SIRT3: variants seen among roughly 807,000 people sequenced by gnomAD.
SIRT3 encodes the protein NAD-dependent protein deacetylase sirtuin-3, mitochondrial.
A neutral mutation model predicts 33.5 loss-of-function variants in SIRT3; 26 were observed. The ratio of observed to expected loss-of-function variants is 0.78; its 90% CI spans 0.57 to 1.08. The LOEUF (loss-of-function observed/expected upper bound fraction) is 1.08, where lower values mean the gene tolerates loss of function less well. Ranked by LOEUF, SIRT3 falls within the 50% of genes least tolerant of loss-of-function variation. SIRT3 has a pLI of 0.00. For synonymous variants in SIRT3, 237 were observed against 222.1 expected (o/e 1.07, Z -0.60); for missense variants, 585 against 530.1 (o/e 1.10, Z -1.02).
Position 236,132 on chromosome 11 carries a change from G to C in SIRT3, c.197C>G (p.Pro66Arg), listed in dbSNP as rs1368171849. Reference protein sequence around the residue: ...ARGEPLDPARPLQRPPRPEVP... With the variant: ...ARGEPLDPARRLQRPPRPEVP... ...CTCGGGTCTGGGAGGCCTCTGCAAGGGGCGCGCCGGGTCCAAGGGCTCACC... is the reference window on the plus strand; with the variant it reads ...CTCGGGTCTGGGAGGCCTCTGCAAGCGGCGCGCCGGGTCCAAGGGCTCACC... The change falls in exon 1 of 7, where the codon CCC (proline) becomes CGC (arginine). Residue 66 changes from proline to arginine, a missense_variant. By Grantham distance (103) the Pro-to-Arg change is moderately radical. Coordinates refer to ENST00000382743, the MANE Select transcript of SIRT3 (RefSeq NM_012239.6). 5.1e-6 allele frequency: 8 copies of C among 1,575,968 alleles called. No homozygotes were observed. The African/African-American group carries it at 8.1e-5, about 16-fold the overall frequency.
rs761953280 is a variant in SIRT3, at chr11:233,512, T to C, written c.304A>G (p.Ile102Val). Residue 102 changes from isoleucine (I) to valine (V), a missense_variant, in exon 2 of 7, where the codon ATA becomes GTA. Transcript: ENST00000382743. ...CTTGAAGCACCCACAGAAAAAGATA[T>C]GGACCTTCTTCCACCTTTAATACTG... is the stretch of plus-strand genomic sequence containing the variant. Reference protein sequence around the residue: ...FSSIKGGRRSISFSVGASSVV... With the variant: ...FSSIKGGRRSVSFSVGASSVV... The C allele has an allele frequency of 3.1e-6, 5 of 1,614,088 alleles. No homozygotes were observed. The highest frequency in any genetic ancestry group is 4.5e-5 in the East Asian group (2 of 44,884).
At chr11:232,615 CTCTT>C (rs1266586651) in intron 3 of SIRT3, among the ~76,000 whole-genome samples, 6 of 152,084 alleles carry the variant, frequency 3.9e-5, no homozygotes, top group Admixed American at 6.6e-5. Context: ...TTACATTGCT[CTCTT>C]TGTGTGTGCT....
At chr11:236,898 G>T, upstream of SIRT3, 1 of 675,474 alleles carries the variant, frequency 1.5e-6, no homozygotes, top group Non-Finnish European at 2.6e-6. Flanking sequence ...CGCTGTAACC[G>T]AGCAACCAGC....
chr11:230,545 GC>G lies in SIRT3; in HGVS notation c.713del (p.Gly238AlafsTer35). 6.6e-7 allele frequency: 1 copy of G among 1,519,534 alleles called. No individual in the cohort carries two copies. The highest frequency in any genetic ancestry group is 1.3e-5 in the South Asian group (1 of 77,796). The allele number at this position is 1,519,534 out of a possible 1,614,324, so 94.1% of individuals were successfully genotyped here. A position where few individuals can be genotyped will look rare whatever the true frequency, so the allele number is the denominator to read the frequency against. ...QNIDGLERVS[G>X]IPASKLVEAH... ...CTTCAACCAGCTTTGAGGCAGGGAT[GC>G]CCGACACTGAAATTCAAGCCAAAGC... On this transcript the variant is annotated frameshift_variant, in exon 4 of 7. Transcript: ENST00000382743. LOFTEE classifies it high-confidence loss of function.
chr11:230,611 A>G (rs1857819722), intron 3 of SIRT3, 59 bp from the exon 4 acceptor site: 2 of 1,248,406 alleles, frequency 1.6e-6, no homozygotes, highest in South Asian at 1.7e-5. Context: ...ACGCAAGGCC[A>G]AGAGCACAAC....
intron 3 of SIRT3, among the ~76,000 whole-genome samples, chr11:231,870 GCCTGGCT>G (rs1858069957): frequency 6.6e-6 from 1 of 150,860 alleles, no homozygotes. Context: ...CTCTCCGGGA[GCCTGGCT>G]CCCGGAGAGC....
chr11:219,021 C>T lies in SIRT3; in HGVS notation c.990G>A (p.Leu330=). ...GAACTGAGCTCCGCACGGCCTCGGT[C>T]AAGCTGGCAAAAGGCTCCACCTGAA... is the stretch of plus-strand genomic sequence containing the variant. The part of the protein sequence containing the change: ...TSLEVEPFAS[L]TEAVRSSVPR... The change falls in exon 6 of 7, where the codon TTG becomes TTA. Residue 330 remains leucine (L), a synonymous_variant. Transcript: ENST00000382743. The T allele has an allele frequency of 1.2e-6, 2 of 1,613,380 alleles. No individual in the cohort carries two copies. The highest frequency in any genetic ancestry group is 1.7e-6 in the Non-Finnish European group (2 of 1,179,792).
At chr11:233,646 G>T in intron 1 of SIRT3, 112 bp from the exon 2 acceptor site, 1 of 957,220 alleles carries the variant, frequency 1.0e-6, no homozygotes, top group Non-Finnish European at 1.6e-6. Context: ...GAATGAGCAT[G>T]TGTGTCTCCC....
At chr11:233,598 G>C in intron 1 of SIRT3, 64 bp from the exon 2 acceptor site, 2 of 1,542,502 alleles carry the variant, frequency 1.3e-6, no homozygotes, top group Admixed American at 1.7e-5. Flanking sequence ...TAGCAAGAAC[G>C]AGCATGGCTC....
At chr11:226,807 G>A (rs1857236456) in intron 4 of SIRT3, among the ~76,000 whole-genome samples, 1 of 148,894 alleles carries the variant, frequency 6.7e-6, no homozygotes, top group South Asian at 2.1e-4. Context: ...AGGCTGGAGT[G>A]CAATGGCCTA....
chr11:223,673 T>A lies in SIRT3; in HGVS notation c.969+405A>T. ...GTGCCCCACCCACACCTATACCACCTCCAAAGCCCAGCAGCTTCCCACCTT... is the reference window on the plus strand; with the variant it reads ...GTGCCCCACCCACACCTATACCACCACCAAAGCCCAGCAGCTTCCCACCTT... On this transcript the variant is annotated intron_variant, in intron 5 of 6. Coordinates refer to ENST00000382743, the MANE Select transcript of SIRT3 (RefSeq NM_012239.6). This position sits in a 1 kb window ranked among gnomAD's most constrained non-coding sequence, Gnocchi z 4.8. The A allele has an allele frequency of 1.3e-5, 6 of 478,664 alleles. No homozygotes were observed. The highest frequency in any genetic ancestry group is 2.0e-5 in the Non-Finnish European group (5 of 254,416). 29.7% of individuals were successfully genotyped at this position (478,664 alleles called of 1,614,324 possible).
chr11:227,843 A>G (rs1198070795), intron 4 of SIRT3, among the ~76,000 whole-genome samples: 1 of 152,074 alleles, frequency 6.6e-6, no homozygotes, highest in African/African-American at 2.4e-5. Flanking sequence ...GCTGCTCTCA[A>G]GCTTCCCACC....
At chr11:234,253 T>C (rs1040905997) in intron 1 of SIRT3, among the ~76,000 whole-genome samples, 2 of 152,166 alleles carry the variant, frequency 1.3e-5, no homozygotes, top group Non-Finnish European at 2.9e-5. Flanking sequence ...CAGGCATGGG[T>C]GCAACCTGGG....
At chr11:219,254 C>G (rs1162840353) in intron 5 of SIRT3, among the ~76,000 whole-genome samples, 2 of 152,204 alleles carry the variant, frequency 1.3e-5, no homozygotes, top group Non-Finnish European at 2.9e-5. Context: ...CTCTCTCTCT[C>G]TCCCACTTCT....
chr11:236,785 T>C, upstream of SIRT3: 2 of 535,714 alleles, frequency 3.7e-6, no homozygotes, highest in Non-Finnish European at 6.7e-6. Flanking sequence ...CCGTAGCGGG[T>C]TCGACCACAG....
chr11:230,275 T>G (rs1311289686), intron 4 of SIRT3, among the ~76,000 whole-genome samples, 177 bp downstream of exon 4: 2 of 151,960 alleles, frequency 1.3e-5, no homozygotes, highest in Non-Finnish European at 1.5e-5. Context: ...TCCCTACATA[T>G]TTCTATATTG....
At chr11:236,900 G>C (rs1859239805), upstream of SIRT3, 1 of 678,504 alleles carries the variant, frequency 1.5e-6, no homozygotes. Flanking sequence ...CTGTAACCGA[G>C]CAACCAGCGG....
rs1855601356 is a variant in SIRT3, at chr11:215,956, G to C, written c.*742C>G. The C allele has an allele frequency of 6.6e-6, 1 of 152,498 alleles. No individual in the cohort carries two copies. 9.4% of individuals were successfully genotyped at this position (152,498 alleles called of 1,614,324 possible). The stretch of plus-strand genomic sequence containing the variant: ...GAAAGTGCTGGAATGTTCTGGAACA[G>C]ATCTGTTTCTGGAGGAGAGGCTGAG... On this transcript the variant is annotated 3_prime_UTR_variant, in exon 7 of 7. Transcript: ENST00000382743.
chr11:233,547 A>G lies in SIRT3; in HGVS notation c.282-13T>C. On this transcript the variant is annotated splice_polypyrimidine_tract_variant and intron_variant, in intron 1 of 6. Transcript: ENST00000382743. ...TCCACCTTTAATACTGACAGAAAAA[A>G]ACACAGCAGCAAAGGAAACAGATAG... The G allele has an allele frequency of 6.2e-7, 1 of 1,613,246 alleles. No homozygotes were observed. Among genetic ancestry groups the G allele is most frequent in the Non-Finnish European group, 8.5e-7 (1 of 1,179,380 alleles).
Sources: gnomAD v4.1 joint callset for allele counts (sites outside exome capture counted in the v4.1 genomes callset) on GRCh38, gnomAD v4.1.1 for gene constraint, Gnocchi (gnomAD v3.1) non-coding constraint, MANE v1.5 for transcripts, NCBI Gene and HGNC (gene_info 2026-07-23, HGNC 2026-07-21) for gene names.